Variants in NR2C2 observed in about 807,000 individuals in gnomAD.
NR2C2 encodes the protein nuclear receptor subfamily 2 group C member 2.
Under a neutral mutation model 62.9 loss-of-function variants are expected in NR2C2, and 6 were observed. That is an observed-to-expected ratio of 0.10 (90% CI 0.05 to 0.19). NR2C2 has a LOEUF of 0.19. Ranked by LOEUF, NR2C2 falls within the 10% of genes least tolerant of loss-of-function variation. The pLI, the probability that NR2C2 is intolerant of heterozygous loss-of-function variation, is 1.00. For missense variants in NR2C2, 479 were observed against 762.7 expected (o/e 0.63, Z 4.38); for synonymous variants, 272 against 273.8 (o/e 0.99, Z 0.07).
intron 1 of NR2C2, among the ~76,000 whole-genome samples, chr3:14,950,230 C>G (rs1316809063): frequency 1.3e-5 from 2 of 151,966 alleles, no homozygotes; most frequent in African/African-American, 2.4e-5. Flanking sequence ...AGTTTTGGCT[C>G]TGTGCTTGCA....
chr3:15,028,490 C>T (rs950113643), intron 7 of NR2C2, 96 bp from the exon 8 acceptor site: 34 of 1,210,698 alleles, frequency 2.8e-5, no homozygotes, highest in African/African-American at 4.5e-5. Flanking sequence ...TCCCTCTCCT[C>T]GAAGCTGTTT....
chr3:15,032,601 C>A, intron 10 of NR2C2, 101 bp downstream of exon 10: 1 of 1,411,980 alleles, frequency 7.1e-7, no homozygotes. Context: ...TTGACTGTTT[C>A]TATGACCTCA....
intron 1 of NR2C2, among the ~76,000 whole-genome samples, chr3:14,962,083 C>G (rs2039703229): frequency 6.6e-6 from 1 of 152,172 alleles, no homozygotes; most frequent in African/African-American, 2.4e-5. Context: ...AGGGAACTAT[C>G]CAAAAAGGTG....
At chr3:14,973,005 T>A (rs1559537691) in intron 1 of NR2C2, among the ~76,000 whole-genome samples, 1 of 152,088 alleles carries the variant, frequency 6.6e-6, no homozygotes. Flanking sequence ...CAGTTTGACA[T>A]GAGATTGGTT....
At chr3:14,998,012 A>G (rs1456621312) in intron 1 of NR2C2, among the ~76,000 whole-genome samples, 1 of 152,186 alleles carries the variant, frequency 6.6e-6, no homozygotes, top group Non-Finnish European at 1.5e-5. Flanking sequence ...GGATTTGCCT[A>G]TTCTGGACAT....
intron 13 of NR2C2, 101 bp from the exon 14 acceptor site, chr3:15,042,732 GT>G: frequency 5.9e-6 from 6 of 1,008,646 alleles, no homozygotes; most frequent in Non-Finnish European, 8.9e-6. Flanking sequence ...GATCCGTTTG[GT>G]TTGATTCTGT....
chr3:14,971,844 T>C (rs1444772847), intron 1 of NR2C2, among the ~76,000 whole-genome samples: 1 of 146,836 alleles, frequency 6.8e-6, no homozygotes, highest in Non-Finnish European at 1.5e-5. Context: ...GTTTCACTCT[T>C]GTTGCCCAGG....
chr3:15,007,128 CTTTTTTTTT>C (rs1189765777), intron 2 of NR2C2, among the ~76,000 whole-genome samples: 1 of 134,706 alleles, frequency 7.4e-6, no homozygotes, highest in Non-Finnish European at 1.6e-5. Context: ...CCTGACCTCT[CTTTTTTTTT>C]TTTTTTTTGA....
chr3:15,006,758 G>A (rs2041183262), intron 2 of NR2C2, among the ~76,000 whole-genome samples: 1 of 151,030 alleles, frequency 6.6e-6, no homozygotes, highest in Non-Finnish European at 1.5e-5. Context: ...TTTGGCTGCT[G>A]TCTCCTCAGC....
At chr3:15,036,688 C>T (rs1036237837) in intron 11 of NR2C2, among the ~76,000 whole-genome samples, 6 of 152,098 alleles carry the variant, frequency 3.9e-5, no homozygotes, top group South Asian at 2.1e-4. Flanking sequence ...GATGAGGTTT[C>T]GCTGTGCTGC....
intron 9 of NR2C2, among the ~76,000 whole-genome samples, chr3:15,031,663 T>TCTTA (rs1418968737): frequency 2.2e-4 from 33 of 151,820 alleles, no homozygotes; most frequent in Non-Finnish European, 4.4e-4. Flanking sequence ...GCTGCTTAGC[T>TCTTA]CTTACTTACT....
At chr3:14,986,147 G>A (rs2040508173) in intron 1 of NR2C2, among the ~76,000 whole-genome samples, 1 of 151,922 alleles carries the variant, frequency 6.6e-6, no homozygotes, top group South Asian at 2.1e-4. Flanking sequence ...GTACCAAGGT[G>A]ATACTCATAG....
At chr3:14,995,820 C>A (rs1169064592) in intron 1 of NR2C2, among the ~76,000 whole-genome samples, 1 of 152,198 alleles carries the variant, frequency 6.6e-6, no homozygotes, top group Non-Finnish European at 1.5e-5. Context: ...GATCTGGTTT[C>A]TCCTCAACCT....
Position 15,039,158 on chromosome 3 carries a change from A to C in NR2C2, c.1547A>C (p.Lys516Thr). 1 of 1,614,148 alleles carries C rather than the reference A, an allele frequency of 6.2e-7. No individual in the cohort carries two copies. Among genetic ancestry groups the C allele is most frequent in the Non-Finnish European group, 8.5e-7 (1 of 1,180,032 alleles). The stretch of plus-strand genomic sequence containing the variant: ...TTGACCAGCACAAGCCAGATTGAAA[A>C]ATTCCAAGAAAAGGCACAGATGGAG... Reference protein sequence around the residue: ...PGLTSTSQIEKFQEKAQMELQ... With the variant: ...PGLTSTSQIETFQEKAQMELQ... Residue 516 changes from lysine (K) to threonine (T), a missense_variant, in exon 13 of 14, where the codon AAA (lysine) becomes ACA (threonine). By Grantham distance (78) the Lys-to-Thr change is moderately conservative (BLOSUM62 -1). Coordinates refer to ENST00000425241, the MANE Select transcript of NR2C2 (RefSeq NM_001291694.2).
At position 15,032,461 on chromosome 3, in the gene NR2C2, T is replaced by C. The variant is rs777116338; in HGVS notation, c.1193T>C (p.Met398Thr). Residue 398 changes from methionine (M) to threonine (T), a missense_variant, in exon 10 of 14, where the codon ATG (methionine) becomes ACG (threonine). By Grantham distance (81) the Met-to-Thr change is moderately conservative. This residue lies in a region of NR2C2 where 162 missense variants were observed against 296.8 expected (regional missense o/e 0.55). Transcript: ENST00000425241. ...ESASRLLFLS[M>T]HWARSIPAFQ... ...GCATCCCGTCTGCTTTTCCTCTCAA[T>C]GCACTGGGCTCGGTCAATCCCAGCC... The C allele has an allele frequency of 1.2e-6, 2 of 1,614,122 alleles. No homozygotes were observed. Among genetic ancestry groups the C allele is most frequent in the African/African-American group, 1.3e-5 (1 of 74,946 alleles).
intron 10 of NR2C2, 31 bp downstream of exon 10, chr3:15,032,531 C>T (rs373594110): frequency 3.1e-6 from 5 of 1,613,976 alleles, no homozygotes; most frequent in East Asian, 2.2e-5. Flanking sequence ...CATGTATCCT[C>T]GGGCAGGAGC....
rs1229416135 is a variant in NR2C2, at chr3:15,013,682, C to T, written c.166C>T (p.Pro56Ser). 2 of 1,614,148 alleles carry T rather than the reference C, an allele frequency of 1.2e-6. No homozygotes were observed. The highest frequency in any genetic ancestry group is 1.7e-5 in the Admixed American group (1 of 60,018). The change falls in exon 3 of 14, where the codon CCA becomes TCA. Residue 56 changes from proline (P) to serine (S), a missense_variant. Pro to Ser is a moderately conservative substitution (Grantham distance 74). Transcript: ENST00000425241. ...CAAACAGCAGTTCATCCTGACCAGCCCAGATGGAGCTGGAACTGGGAAGGT... is the reference window on the plus strand; with the variant it reads ...CAAACAGCAGTTCATCCTGACCAGCTCAGATGGAGCTGGAACTGGGAAGGT... ...SPKQQFILTSPDGAGTGKVIL... is the reference protein window; with the variant it reads ...SPKQQFILTSSDGAGTGKVIL...
chr3:14,983,950 G>A (rs182431021), intron 1 of NR2C2, among the ~76,000 whole-genome samples: 4 of 152,120 alleles, frequency 2.6e-5, no homozygotes, highest in East Asian at 3.9e-4. Flanking sequence ...GTGCAATGGC[G>A]CGATCTTGGC....
At position 15,013,741 on chromosome 3, in the gene NR2C2, G is replaced by A; in HGVS notation, c.225G>A (p.Lys75=). The change falls in exon 3 of 14, where the codon AAG becomes AAA. Residue 75 remains lysine (K), a synonymous_variant. Transcript: ENST00000425241. ...CTTCCCCAGAGACATCCAGCGCCAA[G>A]CAACTCATATTCACCACCTCAGACA... is the stretch of plus-strand genomic sequence containing the variant. ...ILASPETSSA[K]QLIFTTSDNL... The A allele has an allele frequency of 1.2e-6, 2 of 1,614,214 alleles. No individual in the cohort carries two copies. The highest frequency in any genetic ancestry group is 1.1e-5 in the South Asian group (1 of 91,088).
Sources: allele counts gnomAD v4.1 joint callset (sites outside exome capture counted in the v4.1 genomes callset), GRCh38; gene constraint gnomAD v4.1.1; regional missense constraint gnomAD v4.1.1; transcripts MANE v1.5; gene names NCBI Gene and HGNC (gene_info 2026-07-23, HGNC 2026-07-21).